C17orf75: variants seen among roughly 807,000 people sequenced by gnomAD.
C17orf75 encodes the protein chromosome 17 open reading frame 75.
In C17orf75, 32 loss-of-function variants were observed where a neutral mutation model predicts 49.6. The observed-to-expected ratio is 0.65, with a 90% CI of 0.49 to 0.87. The LOEUF is 0.87. Among genes scored for constraint, C17orf75 ranks in the 40% least tolerant of loss-of-function variants. The probability of loss-of-function intolerance (pLI) is 0.00; values close to 1 mark genes in which losing one functional copy is unlikely to be tolerated. For synonymous variants in C17orf75, 158 were observed against 159.5 expected (o/e 0.99, Z 0.07); for missense variants, 428 against 473.9 (o/e 0.90, Z 0.90).
chr17:32,342,065 G>A lies in C17orf75; in HGVS notation c.75C>T (p.Ala25=). 6.4e-7 allele frequency: 1 copy of A among 1,570,534 alleles called. No homozygotes were observed. The highest frequency in any genetic ancestry group is 8.6e-7 in the Non-Finnish European group (1 of 1,160,362). ...ACGGCGGCTCGAGTCTCCGCTCCTC[G>A]GCTGAGCCTCCCTCTTCGCTGCTCT... ...ELESSEEGGS[A]EERRLEPPSS... The change falls in exon 1 of 10, where the codon GCC becomes GCT. Residue 25 remains alanine (A), a synonymous_variant. Coordinates refer to ENST00000577809, the MANE Select transcript of C17orf75 (RefSeq NM_022344.4).
At position 32,329,895 on chromosome 17, in the gene C17orf75, T is replaced by C. The variant is rs766295499; in HGVS notation, c.*1868A>G. 4 of 152,288 alleles carry C rather than the reference T, an allele frequency of 2.6e-5. No homozygotes were observed. Among genetic ancestry groups the C allele is most frequent in the African/African-American group, 4.8e-5 (2 of 41,468 alleles). 9.4% of individuals were successfully genotyped at this position (152,288 alleles called of 1,614,324 possible). On this transcript the variant is annotated 3_prime_UTR_variant, in exon 10 of 10. Coordinates refer to ENST00000577809, the MANE Select transcript of C17orf75 (RefSeq NM_022344.4). ...TCTCGCTCTGTCACTCAGGTTGGAA[T>C]GCAGTGGCGCGATCTCGGCTCACCG... is the stretch of plus-strand genomic sequence containing the variant.
chr17:32,338,346 G>A lies in C17orf75; in HGVS notation c.353C>T (p.Pro118Leu), dbSNP rs753119387. 2 of 1,596,428 alleles carry A rather than the reference G, an allele frequency of 1.3e-6. No homozygotes were observed. The highest frequency in any genetic ancestry group is 1.1e-5 in the South Asian group (1 of 87,150). Reference protein sequence around the residue: ...GNVASVELKIPGYRVGCYYCL... With the variant: ...GNVASVELKILGYRVGCYYCL... Reference sequence around the variant, plus strand: ...GTAATAACAACCAACTCGGTAACCTGGAATTCTAGAAAAGAAAGAAAATGT... The same window carrying A: ...GTAATAACAACCAACTCGGTAACCTAGAATTCTAGAAAAGAAAGAAAATGT... The change falls in exon 4 of 10, where the codon CCA becomes CTA. Residue 118 changes from proline (P) to leucine (L), a missense_variant. Coordinates refer to ENST00000577809, the MANE Select transcript of C17orf75 (RefSeq NM_022344.4).
upstream of C17orf75, chr17:32,343,996 C>T (rs994815382): frequency 2.9e-6 from 2 of 681,766 alleles, no homozygotes; most frequent in Non-Finnish European, 5.4e-6. Context: ...TGTGAAATAT[C>T]GTGGGTTTAA....
chr17:32,337,985 A>G (rs2041341991), intron 4 of C17orf75, 31 bp from the exon 5 acceptor site: 1 of 1,575,406 alleles, frequency 6.3e-7, no homozygotes, highest in Non-Finnish European at 8.7e-7. Context: ...TAAAGGATGA[A>G]TAATGAAGAC....
chr17:32,328,693 A>G lies in C17orf75; in HGVS notation c.*3070T>C, dbSNP rs1362906644. 2 of 152,258 alleles carry G rather than the reference A, an allele frequency of 1.3e-5. No individual in the cohort carries two copies. The highest frequency in any genetic ancestry group is 2.9e-5 in the Non-Finnish European group (2 of 68,070). The allele number at this position is 152,258 out of a possible 1,614,324, so 9.4% of individuals were successfully genotyped here. ...ATCACAAGGTGAGAAGATCGAGACCATCCTGGCTAACACGGTGAAACCCCG... is the reference window on the plus strand; with the variant it reads ...ATCACAAGGTGAGAAGATCGAGACCGTCCTGGCTAACACGGTGAAACCCCG... On this transcript the variant is annotated 3_prime_UTR_variant, in exon 10 of 10. Coordinates refer to ENST00000577809, the MANE Select transcript of C17orf75 (RefSeq NM_022344.4).
rs1255323258 is a variant in C17orf75 at position 32,338,342 on chromosome 17, AC to A, written c.356del (p.Gly119ValfsTer21). The A allele has an allele frequency of 6.3e-7, 1 of 1,599,802 alleles. No individual in the cohort carries two copies. Among genetic ancestry groups the A allele is most frequent in the Non-Finnish European group, 8.5e-7 (1 of 1,176,570 alleles). ...NVASVELKIP[G>X]YRVGCYYCLF... is the part of the protein sequence containing the mutation. Reference sequence around the variant, plus strand: ...GGCAGTAATAACAACCAACTCGGTAACCTGGAATTCTAGAAAAGAAAGAAAA... The same window carrying A: ...GGCAGTAATAACAACCAACTCGGTAACTGGAATTCTAGAAAAGAAAGAAAA... On this transcript the variant is annotated frameshift_variant, in exon 4 of 10. Coordinates refer to ENST00000577809, the MANE Select transcript of C17orf75 (RefSeq NM_022344.4). LOFTEE classifies it high-confidence loss of function.
At chr17:32,341,486 A>G (rs1448750018) in intron 1 of C17orf75, among the ~76,000 whole-genome samples, 2 of 152,202 alleles carry the variant, frequency 1.3e-5, no homozygotes, top group African/African-American at 4.8e-5. Flanking sequence ...TAACGGGTGG[A>G]GGAAAGGCTA....
chr17:32,334,535 T>C lies in C17orf75; in HGVS notation c.805A>G (p.Thr269Ala), dbSNP rs1386613383. 1 of 1,612,418 alleles carries C rather than the reference T, an allele frequency of 6.2e-7. No individual in the cohort carries two copies. Among genetic ancestry groups the C allele is most frequent in the Non-Finnish European group, 8.5e-7 (1 of 1,179,376 alleles). ...ACCACAGACTTATGCTGCTCCTCTG[T>C]CATGGCCATGCACAAAGAAGTCATG... ...GTMTSLCMAM[T>A]EEQHKSVVID... Residue 269 changes from threonine to alanine, a missense_variant, in exon 8 of 10, where the codon ACA becomes GCA. Physicochemically the swap from Thr to Ala is moderately conservative, Grantham distance 58. Transcript: ENST00000577809.
At chr17:32,343,358 TA>T (rs1220659256), upstream of C17orf75, among the ~76,000 whole-genome samples, 21 of 152,242 alleles carry the variant, frequency 1.4e-4, no homozygotes, top group African/African-American at 4.6e-4. Flanking sequence ...TAAAACTTCA[TA>T]AAGTTAAAAG....
chr17:32,345,476 AG>A (rs1223294770), upstream of C17orf75, among the ~76,000 whole-genome samples: 1 of 151,916 alleles, frequency 6.6e-6, no homozygotes, highest in Non-Finnish European at 1.5e-5. Flanking sequence ...ACTCCATCTC[AG>A]GGGGGAAAAA....
chr17:32,342,098 C>T lies in C17orf75; in HGVS notation c.42G>A (p.Lys14=), dbSNP rs2041387666. 6.2e-7 allele frequency: 1 copy of T among 1,600,820 alleles called. No individual in the cohort carries two copies. The change falls in exon 1 of 10, where the codon AAG becomes AAA. Residue 14 remains lysine (K), a synonymous_variant. Coordinates refer to ENST00000577809, the MANE Select transcript of C17orf75 (RefSeq NM_022344.4). ...CTCCCTCTTCGCTGCTCTCTAGTTC[C>T]TTTTCATCTCCATCCATCGACTCCT... ...SLQESMDGDE[K]ELESSEEGGS... is the part of the protein sequence containing the mutation.
chr17:32,349,939 T>C, intron 1 of C17orf75: 1 of 1,125,620 alleles, frequency 8.9e-7, no homozygotes, highest in Non-Finnish European at 1.1e-6. Flanking sequence ...CCCCTTAGCG[T>C]ACCTGGGGCT....
chr17:32,338,118 A>G, intron 4 of C17orf75, 90 bp downstream of exon 4: 1 of 1,565,772 alleles, frequency 6.4e-7, no homozygotes, highest in Non-Finnish European at 8.7e-7. Flanking sequence ...CGAGGAGTAG[A>G]AAAGCTTTTT....
In C17orf75 at chr17:32,338,343, C is replaced by G. The variant is rs999543799; in HGVS notation, c.356G>C (p.Gly119Ala). 3.1e-6 allele frequency: 5 copies of G among 1,597,082 alleles called. No homozygotes were observed. The highest frequency in any genetic ancestry group is 4.3e-6 in the Non-Finnish European group (5 of 1,175,932). Reference protein sequence around the residue: ...NVASVELKIPGYRVGCYYCLF... With the variant: ...NVASVELKIPAYRVGCYYCLF... The stretch of plus-strand genomic sequence containing the variant: ...GCAGTAATAACAACCAACTCGGTAA[C>G]CTGGAATTCTAGAAAAGAAAGAAAA... The change falls in exon 4 of 10, where the codon GGT becomes GCT. Residue 119 changes from glycine to alanine, a missense_variant. Coordinates refer to ENST00000577809, the MANE Select transcript of C17orf75 (RefSeq NM_022344.4).
intron 1 of C17orf75, chr17:32,341,743 G>A (rs2041381470): frequency 4.1e-6 from 4 of 973,398 alleles, no homozygotes; most frequent in Non-Finnish European, 5.0e-6. Context: ...GCGAGAGTAA[G>A]AGGCTGGGAT....
At chr17:32,343,956 G>C, upstream of C17orf75, 2 of 684,386 alleles carry the variant, frequency 2.9e-6, no homozygotes. Flanking sequence ...CCATCTCCTA[G>C]AAACACTTCA....
At position 32,337,928 on chromosome 17, in the gene C17orf75, A is replaced by G. The variant is rs1478308479; in HGVS notation, c.518T>C (p.Ile173Thr). The stretch of plus-strand genomic sequence containing the variant: ...ATTCATGTTATTTTTCAGCCCTTGA[A>G]TGTACTTGTCCAATTCAAGCCTGAA... ...ELFRLELDKY[I>T]QGLKNNMNCE... is the part of the protein sequence containing the mutation. The change falls in exon 5 of 10, where the codon ATT (isoleucine) becomes ACT (threonine). Residue 173 changes from isoleucine to threonine, a missense_variant. Coordinates refer to ENST00000577809, the MANE Select transcript of C17orf75 (RefSeq NM_022344.4). The G allele has an allele frequency of 6.2e-7, 1 of 1,605,810 alleles. No individual in the cohort carries two copies. Among genetic ancestry groups the G allele is most frequent in the Non-Finnish European group, 8.5e-7 (1 of 1,175,488 alleles).
At chr17:32,342,249 C>G, upstream of C17orf75, 1 of 1,368,270 alleles carries the variant, frequency 7.3e-7, no homozygotes, top group Non-Finnish European at 9.5e-7. Context: ...ACCTGCGTTC[C>G]GCTGGTTTCC....
chr17:32,337,808 C>G, intron 5 of C17orf75, 89 bp downstream of exon 5: 1 of 1,142,494 alleles, frequency 8.8e-7, no homozygotes, highest in Non-Finnish European at 1.3e-6. Flanking sequence ...CTGCCCACCT[C>G]GGCCTCCCAA....
Sources: allele counts gnomAD v4.1 joint callset (sites outside exome capture counted in the v4.1 genomes callset), GRCh38; gene constraint gnomAD v4.1.1; transcripts MANE v1.5; gene names NCBI Gene and HGNC (gene_info 2026-07-23, HGNC 2026-07-21).